The following GPD1L variants were observed in gnomAD, a reference collection of about 807,000 sequenced individuals.
The protein encoded by GPD1L is glycerol-3-phosphate dehydrogenase 1-like protein.
In GPD1L, 17 loss-of-function variants were observed where a neutral mutation model predicts 32.9. The observed-to-expected ratio is 0.52, with a 90% confidence interval of 0.35 to 0.78. The LOEUF (loss-of-function observed/expected upper bound fraction) is 0.78, where lower values mean the gene tolerates loss of function less well. Among genes scored for constraint, GPD1L ranks in the 30% least tolerant of loss-of-function variants. The pLI is 0.01. For synonymous variants in GPD1L, 187 were observed against 165.9 expected (o/e 1.13, Z -0.98); for missense variants, 361 against 447.8 (o/e 0.81, Z 1.75).
At chr3:32,111,538 T>C (rs574095224) in intron 1 of GPD1L, among the ~76,000 whole-genome samples, 12 of 152,198 alleles carry the variant, frequency 7.9e-5, no homozygotes, top group South Asian at 2.1e-4. Context: ...TTGCTATTAG[T>C]ATTATTAGTT....
intron 5 of GPD1L, among the ~76,000 whole-genome samples, chr3:32,153,463 TTGGACAA>T (rs1195853658): frequency 6.6e-6 from 1 of 152,100 alleles, no homozygotes; most frequent in African/African-American, 2.4e-5. Flanking sequence ...GAAACTTCTA[TTGGACAA>T]CGCTCTTCCA....
Sources: allele counts gnomAD v4.1 joint callset (sites outside exome capture counted in the v4.1 genomes callset), GRCh38; gene constraint gnomAD v4.1.1; transcripts MANE v1.5; gene names NCBI Gene and HGNC (gene_info 2026-07-23, HGNC 2026-07-21).